Variants in SGIP1 observed in about 807,000 individuals in gnomAD.
The protein encoded by SGIP1 is SH3-containing GRB2-like protein 3-interacting protein 1.
In SGIP1, 38 loss-of-function variants were observed where a neutral mutation model predicts 107.5. The ratio of observed to expected loss-of-function variants is 0.35; its 90% confidence interval spans 0.27 to 0.46. The LOEUF is 0.46. Ranked by LOEUF, SGIP1 falls within the 20% of genes least tolerant of loss-of-function variation. The probability of loss-of-function intolerance (pLI) is 1.00; values close to 1 mark genes in which losing one functional copy is unlikely to be tolerated. For synonymous variants in SGIP1, 365 were observed against 366.1 expected (o/e 1.00, Z 0.03); for missense variants, 929 against 1,019.5 (o/e 0.91, Z 1.21).
In SGIP1 at chr1:66,677,107, T is replaced by A. The variant is rs185541585; in HGVS notation, c.739+11T>A. On this transcript the variant is annotated intron_variant, in intron 13 of 24. Transcript: ENST00000371037. ...CTTTTCCCACTGGAAGTAAGTTATG[T>A]GTCTGCTCTGTCTGGAAAAATAAGT... is the stretch of plus-strand genomic sequence containing the variant. 7,806 of 1,596,364 alleles carry A rather than the reference T, an allele frequency of 4.9e-3. 52 individuals are homozygous for A. The highest frequency in any genetic ancestry group is 5.2e-3 in the Non-Finnish European group (6,025 of 1,166,700).
At chr1:66,700,983 T>C (rs6682534) in intron 18 of SGIP1, among the ~76,000 whole-genome samples, 71,064 of 151,954 alleles carry the variant, frequency 0.47, 17,291 homozygotes, top group East Asian at 0.72. Context: ...CATTTTTTCT[T>C]TTTGGAGTTA....
intron 1 of SGIP1, among the ~76,000 whole-genome samples, chr1:66,577,389 C>T (rs1226559301): frequency 2.0e-5 from 3 of 152,112 alleles, no homozygotes; most frequent in Non-Finnish European, 4.4e-5. Context: ...TGAACAATTT[C>T]TTTTAATTTA....
At chr1:66,539,944 A>G (rs577020333) in intron 1 of SGIP1, among the ~76,000 whole-genome samples, 22 of 152,244 alleles carry the variant, frequency 1.4e-4, no homozygotes, top group African/African-American at 4.8e-4. Context: ...GAAGGCAGAA[A>G]TCTGGTCTAC....
At chr1:66,677,774 T>C (rs1379026674) in intron 13 of SGIP1, among the ~76,000 whole-genome samples, 1 of 152,204 alleles carries the variant, frequency 6.6e-6, no homozygotes, top group Non-Finnish European at 1.5e-5. Flanking sequence ...AATTCCCTTT[T>C]CAGTAGACTG....
intron 2 of SGIP1, among the ~76,000 whole-genome samples, chr1:66,631,386 C>CA (rs1369595375): frequency 2.0e-5 from 3 of 152,138 alleles, no homozygotes; most frequent in Non-Finnish European, 2.9e-5. Flanking sequence ...GGTTAATTTC[C>CA]ACATCCAGGT....
intron 19 of SGIP1, among the ~76,000 whole-genome samples, chr1:66,722,463 T>C (rs567750140): frequency 1.3e-5 from 2 of 152,198 alleles, no homozygotes; most frequent in Non-Finnish European, 2.9e-5. Context: ...ATTTTGCCTG[T>C]TTGGTTCACT....
intron 1 of SGIP1, among the ~76,000 whole-genome samples, chr1:66,564,420 A>G (rs2059378275): frequency 1.3e-5 from 2 of 151,992 alleles, no homozygotes; most frequent in East Asian, 1.9e-4. Flanking sequence ...ATGTTACTGT[A>G]TCCAGTAACC....
rs141531242 is a variant in SGIP1 at position 66,625,061 on chromosome 1, C to G, written c.11-786C>G. ...TTGTTCAAGAAAGGATCACAGCCTA[C>G]TAGGGAAACTGACACAGGGACTAAT... is the stretch of plus-strand genomic sequence containing the variant. On this transcript the variant is annotated intron_variant, in intron 1 of 24. Transcript: ENST00000371037. 5.3e-3 allele frequency among the ~76,000 whole-genome samples: 813 copies of G among 152,268 alleles called. 10 individuals carry two copies. Among genetic ancestry groups the G allele is most frequent in the African/African-American group, 0.018 (763 of 41,552 alleles).
In SGIP1 at chr1:66,748,883, G is replaced by A. The variant is rs2094587938; in HGVS notation, c.*5788G>A. ...TTTAATGAAGCTTAAGAAAGTTATT[G>A]AATCAGGTAAAAAAAATTTTTTCTA... On this transcript the variant is annotated 3_prime_UTR_variant, in exon 25 of 25. Transcript: ENST00000371037. 6.6e-6 allele frequency among the ~76,000 whole-genome samples: 1 copy of A among 151,612 alleles called. No individual in the cohort carries two copies. Among genetic ancestry groups the A allele is most frequent in the Non-Finnish European group, 1.5e-5 (1 of 67,806 alleles).
intron 18 of SGIP1, among the ~76,000 whole-genome samples, chr1:66,699,595 G>A (rs1047455401): frequency 2.0e-5 from 3 of 152,096 alleles, no homozygotes; most frequent in Non-Finnish European, 4.4e-5. Flanking sequence ...CATTTCAGCT[G>A]TTTCATCATT....
intron 2 of SGIP1, among the ~76,000 whole-genome samples, chr1:66,629,622 A>G (rs1205149922): frequency 5.3e-5 from 8 of 152,196 alleles, no homozygotes; most frequent in Non-Finnish European, 8.8e-5. Context: ...ACTTTAAAAT[A>G]TAGATGCCAA....
intron 11 of SGIP1, among the ~76,000 whole-genome samples, chr1:66,672,812 C>G (rs2084148786): frequency 6.6e-6 from 1 of 151,982 alleles, no homozygotes; most frequent in African/African-American, 2.4e-5. Context: ...GATGAAACTT[C>G]TCGGTGGCTT....
upstream of SGIP1, chr1:66,534,144 T>C: frequency 1.7e-6 from 1 of 605,422 alleles, no homozygotes; most frequent in Non-Finnish European, 3.0e-6. Flanking sequence ...CCTCTCCCTT[T>C]CTCTCAGCAT....
At chr1:66,550,538 G>A (rs2057249056) in intron 1 of SGIP1, among the ~76,000 whole-genome samples, 1 of 152,064 alleles carries the variant, frequency 6.6e-6, no homozygotes, top group South Asian at 2.1e-4. Context: ...GTGTTCCATA[G>A]TTTCTCTTAA....
In SGIP1 at chr1:66,681,955, C is replaced by T. The variant is rs2086810152; in HGVS notation, c.901C>T (p.Pro301Ser). The T allele has an allele frequency of 1.2e-6, 2 of 1,614,182 alleles. No homozygotes were observed. Among genetic ancestry groups the T allele is most frequent in the Non-Finnish European group, 1.7e-6 (2 of 1,180,022 alleles). Residue 301 changes from proline to serine, a missense_variant, in exon 15 of 25, where the codon CCC becomes TCC. Physicochemically the swap from Pro to Ser is moderately conservative, Grantham distance 74. This residue lies in a region of SGIP1 where 588 missense variants were observed against 588.6 expected (regional missense o/e 1.00). Coordinates refer to ENST00000371037, the MANE Select transcript of SGIP1 (RefSeq NM_032291.4). The part of the protein sequence containing the change: ...LDSIFGPVLS[P>S]KSVAVNAEEK... Reference sequence around the variant, plus strand: ...CAGCATTTTTGGGCCAGTATTGTCCCCCAAGTCTGTTGCTGTTAATGCTGA... The same window carrying T: ...CAGCATTTTTGGGCCAGTATTGTCCTCCAAGTCTGTTGCTGTTAATGCTGA...
chr1:66,694,420 A>G, intron 17 of SGIP1: 3 of 1,602,722 alleles, frequency 1.9e-6, no homozygotes, highest in Non-Finnish European at 2.6e-6. Context: ...CCATTCGTTT[A>G]TGTTTCTTTG....
At chr1:66,538,155 T>C (rs572212560) in intron 1 of SGIP1, among the ~76,000 whole-genome samples, 245 of 152,290 alleles carry the variant, frequency 1.6e-3, no homozygotes, top group African/African-American at 5.5e-3. Context: ...ACTTCTTCTT[T>C]TCCTATCTAG....
intron 18 of SGIP1, among the ~76,000 whole-genome samples, chr1:66,710,233 A>C (rs1333865996): frequency 2.0e-5 from 3 of 152,150 alleles, no homozygotes; most frequent in Middle Eastern, 6.3e-3. Context: ...TTAAGCTCTC[A>C]TGATACAGTT....
Position 66,711,067 on chromosome 1 carries a change from A to G in SGIP1, c.1631-8227A>G, listed in dbSNP as rs530940709. Among the ~76,000 whole-genome samples, 4 of 152,320 alleles carry G rather than the reference A, an allele frequency of 2.6e-5. No homozygotes were observed. The East Asian group carries it at 7.7e-4, about 29-fold the overall frequency. The stretch of plus-strand genomic sequence containing the variant: ...ATATCAACACAAACTATTTTTATTC[A>G]TTCCAAGAACTCAATTATTAATGTA... On this transcript the variant is annotated intron_variant, in intron 18 of 24. Coordinates refer to ENST00000371037, the MANE Select transcript of SGIP1 (RefSeq NM_032291.4).
Sources: gnomAD v4.1 joint callset for allele counts (sites outside exome capture counted in the v4.1 genomes callset) on GRCh38, gnomAD v4.1.1 for gene constraint, gnomAD v4.1.1 regional missense constraint, MANE v1.5 for transcripts, NCBI Gene and HGNC (gene_info 2026-07-23, HGNC 2026-07-21) for gene names.